Variants in CNTNAP2 observed in about 807,000 individuals in gnomAD.
CNTNAP2 encodes contactin associated protein 2.
Under a neutral mutation model 155.2 loss-of-function variants are expected in CNTNAP2, and 98 were observed. That is an observed-to-expected ratio of 0.63 (90% confidence interval 0.54 to 0.75). The LOEUF (loss-of-function observed/expected upper bound fraction) is 0.75. CNTNAP2 is among the 30% of genes least tolerant of loss of function. CNTNAP2 has a pLI of 0.00. For missense variants in CNTNAP2, 1,727 were observed against 1,688.1 expected (o/e 1.02, Z -0.40); for synonymous variants, 651 against 631.2 (o/e 1.03, Z -0.47).
chr7:146,174,952 A>G (rs1562977638), intron 1 of CNTNAP2, among the ~76,000 whole-genome samples: 1 of 152,164 alleles, frequency 6.6e-6, no homozygotes, highest in Non-Finnish European at 1.5e-5. Context: ...TTTCCCATTC[A>G]TTGCTAAAAT....
intron 21 of CNTNAP2, among the ~76,000 whole-genome samples, chr7:148,364,581 C>T (rs1228436978): frequency 6.6e-6 from 1 of 152,212 alleles, no homozygotes; most frequent in African/African-American, 2.4e-5. Context: ...CCAATCGACA[C>T]TCTGTATCTA....
chr7:146,386,452 G>A (rs1234645425), intron 1 of CNTNAP2, among the ~76,000 whole-genome samples: 1 of 152,166 alleles, frequency 6.6e-6, no homozygotes, highest in African/African-American at 2.4e-5. Flanking sequence ...ACAGTGGCAT[G>A]ATCTTGGCTC....
At chr7:146,641,784 A>C (rs148480337) in intron 1 of CNTNAP2, among the ~76,000 whole-genome samples, 2 of 152,194 alleles carry the variant, frequency 1.3e-5, no homozygotes, top group Non-Finnish European at 2.9e-5. Context: ...CAGTTTTACA[A>C]CTATCATAGA....
chr7:146,532,120 T>G (rs1377831589), intron 1 of CNTNAP2, among the ~76,000 whole-genome samples: 1 of 152,108 alleles, frequency 6.6e-6, no homozygotes, highest in Non-Finnish European at 1.5e-5. Flanking sequence ...TTCAAAAAAG[T>G]GAATATTTAC....
At chr7:147,777,068 T>C (rs1797595537) in intron 13 of CNTNAP2, among the ~76,000 whole-genome samples, 1 of 152,134 alleles carries the variant, frequency 6.6e-6, no homozygotes, top group Admixed American at 6.5e-5. Flanking sequence ...GTACTATCCA[T>C]AAGTATTGCT....
chr7:148,145,151 C>A (rs1043613887), intron 16 of CNTNAP2, among the ~76,000 whole-genome samples: 2 of 152,162 alleles, frequency 1.3e-5, no homozygotes, highest in Non-Finnish European at 2.9e-5. Context: ...ATTTCTCCAG[C>A]AGAGCCTGAA....
chr7:147,035,542 T>C (rs28380485), intron 3 of CNTNAP2, among the ~76,000 whole-genome samples: 10,027 of 152,276 alleles, frequency 0.066, 560 homozygotes, highest in East Asian at 0.27. Context: ...ACAGAGTCAT[T>C]TTATGTTTTA....
intron 1 of CNTNAP2, among the ~76,000 whole-genome samples, chr7:146,275,569 A>G (rs187896675): frequency 9.9e-5 from 15 of 152,156 alleles, no homozygotes; most frequent in Admixed American, 9.2e-4. Flanking sequence ...GTAAACCCAC[A>G]TGTGTGTGGG....
chr7:147,527,547 T>C (rs1176686415), intron 11 of CNTNAP2, among the ~76,000 whole-genome samples: 1 of 152,208 alleles, frequency 6.6e-6, no homozygotes, highest in African/African-American at 2.4e-5. Flanking sequence ...AAATGCTTGT[T>C]GAATTTTTAA....
intron 1 of CNTNAP2, among the ~76,000 whole-genome samples, chr7:146,505,689 G>T (rs764083729): frequency 6.6e-6 from 1 of 152,190 alleles, no homozygotes; most frequent in African/African-American, 2.4e-5. Context: ...GGACTTGGAG[G>T]GTCTGTGGCC....
chr7:146,707,990 G>A lies in CNTNAP2; in HGVS notation c.98-66281G>A, dbSNP rs543298275. Among the ~76,000 whole-genome samples the A allele has an allele frequency of 3.9e-5, 6 of 152,136 alleles. No homozygotes were observed. The East Asian group carries it at 1.2e-3, about 29-fold the overall frequency. Reference sequence around the variant, plus strand: ...TCAGCAACTGTGATTTATGGTACCTGTTTGTGTCTGTTACATGAGTGATGG... The same window carrying A: ...TCAGCAACTGTGATTTATGGTACCTATTTGTGTCTGTTACATGAGTGATGG... On this transcript the variant is annotated intron_variant, in intron 1 of 23. Coordinates refer to ENST00000361727, the MANE Select transcript of CNTNAP2 (RefSeq NM_014141.6).
intron 3 of CNTNAP2, among the ~76,000 whole-genome samples, chr7:146,938,569 G>A (rs1401611292): frequency 6.6e-6 from 1 of 151,738 alleles, no homozygotes; most frequent in Non-Finnish European, 1.5e-5. Flanking sequence ...ATGTTACAGT[G>A]AAACATTTCT....
intron 9 of CNTNAP2, among the ~76,000 whole-genome samples, chr7:147,311,684 G>C (rs1481191825): frequency 1.4e-5 from 2 of 145,096 alleles, no homozygotes; most frequent in Non-Finnish European, 3.0e-5. Flanking sequence ...AGCACTTCTT[G>C]ACAAACCAGA....
intron 14 of CNTNAP2, among the ~76,000 whole-genome samples, chr7:147,917,154 T>C (rs1213100728): frequency 6.6e-6 from 1 of 152,250 alleles, no homozygotes; most frequent in East Asian, 1.9e-4. Flanking sequence ...CATCACTGGC[T>C]TCACATTAGA....
chr7:146,195,254 G>A (rs989546736), intron 1 of CNTNAP2: 1 of 152,128 alleles, frequency 6.6e-6, no homozygotes, highest in African/African-American at 2.4e-5. Flanking sequence ...AAAACGGTTT[G>A]CACTAAAAAC....
At chr7:147,225,934 A>G (rs139095456) in intron 8 of CNTNAP2, among the ~76,000 whole-genome samples, 48 of 129,248 alleles carry the variant, frequency 3.7e-4, no homozygotes, top group African/African-American at 3.9e-4. Context: ...AAGGAAGGAA[A>G]GAAGGAAGGA....
At chr7:147,108,386 T>C (rs1584848466) in intron 5 of CNTNAP2, 36 bp downstream of exon 5, 2 of 1,544,824 alleles carry the variant, frequency 1.3e-6, no homozygotes, top group Non-Finnish European at 1.8e-6. Flanking sequence ...CTTTCCGTTA[T>C]GGATGTTCCC....
At chr7:148,260,252 G>T (rs976816918) in intron 20 of CNTNAP2, among the ~76,000 whole-genome samples, 1 of 152,140 alleles carries the variant, frequency 6.6e-6, no homozygotes, top group African/African-American at 2.4e-5. Flanking sequence ...TAATTGAGGT[G>T]ACTGGGCTAG....
chr7:148,066,463 A>C (rs1215795053), intron 15 of CNTNAP2, among the ~76,000 whole-genome samples: 3 of 151,922 alleles, frequency 2.0e-5, no homozygotes, highest in African/African-American at 7.3e-5. Context: ...AACTTCTTTG[A>C]GGCTTTGTTC....
Sources: gnomAD v4.1 joint callset for allele counts (sites outside exome capture counted in the v4.1 genomes callset) on GRCh38, gnomAD v4.1.1 for gene constraint, MANE v1.5 for transcripts, NCBI Gene and HGNC (gene_info 2026-07-23, HGNC 2026-07-21) for gene names.